PYGM: variants seen among roughly 807,000 people sequenced by gnomAD.
PYGM encodes glycogen phosphorylase, muscle associated.
In PYGM, 81 loss-of-function variants were observed where a neutral mutation model predicts 99.3. That is an observed-to-expected ratio of 0.82 (90% CI 0.68 to 0.98). PYGM has a LOEUF of 0.98. Among genes scored for constraint, PYGM ranks in the 50% least tolerant of loss-of-function variants. PYGM has a pLI of 0.00. For synonymous variants in PYGM, 436 were observed against 451.5 expected (o/e 0.97, Z 0.44); for missense variants, 1,030 against 1,158.1 (o/e 0.89, Z 1.61).
In PYGM at chr11:64,751,668, G is replaced by A. The variant is rs201995805; in HGVS notation, c.1769-13C>T. 22 of 1,613,882 alleles carry A rather than the reference G, an allele frequency of 1.4e-5. No individual in the cohort carries two copies. In the Admixed American group the frequency reaches 1.7e-4, roughly 12 times the overall value. On this transcript the variant is annotated splice_polypyrimidine_tract_variant and intron_variant, in intron 14 of 19. Coordinates refer to ENST00000164139, the MANE Select transcript of PYGM (RefSeq NM_005609.4). ...TCCCTCTTGATGCCTGTGGAGAAAC[G>A]AGAGGGATCCAGTGGGCCTACCTTT... is the stretch of plus-strand genomic sequence containing the variant.
rs753355735 is a variant in PYGM, at chr11:64,759,722, G to T, written c.177C>A (p.Thr59=). Reference sequence around the variant, plus strand: ...AGCGCCCCACGAGGTGGTCGCGCACGGTATGGGCCAGAGCAAAGTAGTAGT... The same window carrying T: ...AGCGCCCCACGAGGTGGTCGCGCACTGTATGGGCCAGAGCAAAGTAGTAGT... The part of the protein sequence containing the change: ...PRDYYFALAH[T]VRDHLVGRWI... The change falls in exon 1 of 20, where the codon ACC becomes ACA. Residue 59 remains threonine, a synonymous_variant. Transcript: ENST00000164139. 2.5e-6 allele frequency: 4 copies of T among 1,614,084 alleles called. No individual in the cohort carries two copies. Among genetic ancestry groups the T allele is most frequent in the Admixed American group, 3.3e-5 (2 of 60,014 alleles).
In PYGM at chr11:64,746,495, C is replaced by A; in HGVS notation, c.*164G>T. 9.8e-7 allele frequency: 1 copy of A among 1,017,672 alleles called. No homozygotes were observed. Among genetic ancestry groups the A allele is most frequent in the African/African-American group, 1.6e-5 (1 of 63,060 alleles). 63.0% of individuals were successfully genotyped at this position (1,017,672 alleles called of 1,614,324 possible). A position where few individuals can be genotyped will look rare whatever the true frequency, so the allele number is the denominator to read the frequency against. ...CCCGAGGACGGAAGGGGGCCCGTGT[C>A]CTTAGTCACGCTGGACACTGGGACA... On this transcript the variant is annotated 3_prime_UTR_variant, in exon 20 of 20. Coordinates refer to ENST00000164139, the MANE Select transcript of PYGM (RefSeq NM_005609.4).
At chr11:64,747,113 A>G (rs1263001273) in intron 18 of PYGM, 111 bp downstream of exon 18, 4 of 1,572,868 alleles carry the variant, frequency 2.5e-6, no homozygotes, top group Non-Finnish European at 3.5e-6. Context: ...GCTGCTTCCA[A>G]AGGCGCCTGG....
At chr11:64,752,560 A>G in intron 12 of PYGM, 56 bp from the exon 13 acceptor site, 1 of 1,500,154 alleles carries the variant, frequency 6.7e-7, no homozygotes, top group African/African-American at 1.4e-5. Flanking sequence ...TCCTCCCAAC[A>G]CAGAAGGGGC....
At chr11:64,757,470 G>A (rs1398398662) in intron 5 of PYGM, among the ~76,000 whole-genome samples, 1 of 152,100 alleles carries the variant, frequency 6.6e-6, no homozygotes, top group African/African-American at 2.4e-5. Context: ...AGATGTTCAG[G>A]GCAGACTCAA....
chr11:64,752,302 G>A, intron 13 of PYGM, 101 bp downstream of exon 13: 4 of 1,450,718 alleles, frequency 2.8e-6, no homozygotes, highest in Non-Finnish European at 3.8e-6. Context: ...GGCCTGGGCT[G>A]GCAGGAGAGA....
rs962262783 is a variant in PYGM, at chr11:64,752,866, A to G, written c.1518+207T>C. On this transcript the variant is annotated intron_variant, in intron 12 of 19. Transcript: ENST00000164139. ...CTCTGCTGTGTTCACCTCCACAGCCAGGGCCTCCATTAGCACACAGAGCAC... is the reference window on the plus strand; with the variant it reads ...CTCTGCTGTGTTCACCTCCACAGCCGGGGCCTCCATTAGCACACAGAGCAC... Among the ~76,000 whole-genome samples, 3 of 152,218 alleles carry G rather than the reference A, an allele frequency of 2.0e-5. No individual in the cohort carries two copies. The East Asian group carries it at 5.8e-4, about 29-fold the overall frequency.
Position 64,759,738 on chromosome 11 carries a change from A to T in PYGM, c.161T>A (p.Phe54Tyr), listed in dbSNP as rs375646075. The change falls in exon 1 of 20, where the codon TTT (phenylalanine) becomes TAT (tyrosine). Residue 54 changes from phenylalanine to tyrosine, a missense_variant. Transcript: ENST00000164139. The part of the protein sequence containing the change: ...RNVATPRDYY[F>Y]ALAHTVRDHL... ...GTCGCGCACGGTATGGGCCAGAGCA[A>T]AGTAGTAGTCTCGTGGGGTGGCCAC... 19 of 1,614,060 alleles carry T rather than the reference A, an allele frequency of 1.2e-5. No individual in the cohort carries two copies. Among genetic ancestry groups the T allele is most frequent in the Non-Finnish European group, 1.4e-5 (17 of 1,180,034 alleles).
rs1466248665 is a variant in PYGM at position 64,750,324 on chromosome 11, C to T, written c.2177+52G>A. The T allele has an allele frequency of 3.1e-6, 5 of 1,604,850 alleles. No individual in the cohort carries two copies. The African/African-American group carries it at 5.4e-5, about 17-fold the overall frequency. ...CGTGCCGCTTGCTCCCAGCACCACT[C>T]TCCAGCAGCCACACCTGGGTGTCTT... On this transcript the variant is annotated intron_variant, in intron 17 of 19. Coordinates refer to ENST00000164139, the MANE Select transcript of PYGM (RefSeq NM_005609.4).
intron 17 of PYGM, 109 bp downstream of exon 17, chr11:64,750,267 G>T: frequency 1.6e-6 from 2 of 1,224,672 alleles, no homozygotes; most frequent in Non-Finnish European, 2.4e-6. Flanking sequence ...CCATGACCAA[G>T]ACCTTGCTGG....
intron 11 of PYGM, 33 bp downstream of exon 11, chr11:64,753,486 A>G: frequency 6.4e-7 from 1 of 1,557,118 alleles, no homozygotes. Flanking sequence ...GGTGGGGCCT[A>G]GAGAGGGGCG....
chr11:64,752,155 G>C (rs943699770), intron 13 of PYGM, 84 bp from the exon 14 acceptor site: 1 of 1,591,552 alleles, frequency 6.3e-7, no homozygotes, highest in East Asian at 2.2e-5. Flanking sequence ...AGCCCCAGGA[G>C]GATGGCTACC....
In PYGM at chr11:64,747,259, G is replaced by T. The variant is rs1396946363; in HGVS notation, c.2277C>A (p.Phe759Leu). The change falls in exon 18 of 20, where the codon TTC (phenylalanine) becomes TTA (leucine). Residue 759 changes from phenylalanine (F) to leucine (L), a missense_variant. Physicochemically the swap from Phe to Leu is conservative, Grantham distance 22. Transcript: ENST00000164139. ...GCATGAGCATATTGACAATGTCCTTGAACAGGTCGGGCTGTTTGGGGGAGA... is the reference window on the plus strand; with the variant it reads ...GCATGAGCATATTGACAATGTCCTTTAACAGGTCGGGCTGTTTGGGGGAGA... ...GFFSPKQPDL[F>L]KDIVNMLMHH... is the part of the protein sequence containing the mutation. 6.2e-7 allele frequency: 1 copy of T among 1,614,158 alleles called. No individual in the cohort carries two copies. Among genetic ancestry groups the T allele is most frequent in the Non-Finnish European group, 8.5e-7 (1 of 1,179,972 alleles).
In PYGM at chr11:64,752,041, C is replaced by T; in HGVS notation, c.1651G>A (p.Glu551Lys). 1 of 1,614,116 alleles carries T rather than the reference C, an allele frequency of 6.2e-7. No individual in the cohort carries two copies. Among genetic ancestry groups the T allele is most frequent in the South Asian group, 1.1e-5 (1 of 91,080 alleles). The change falls in exon 14 of 20, where the codon GAG (glutamate) becomes AAG (lysine). Residue 551 changes from glutamate to lysine, a missense_variant. Transcript: ENST00000164139. ...TTGATGTGGACTTTGTATTCCCTCT[C>T]TAGGTAGGCAGCAAACTTCAACTTG... ...ENKLKFAAYL[E>K]REYKVHINPN...
Position 64,757,484 on chromosome 11 carries a change from G to A in PYGM, c.660+295C>T, listed in dbSNP as rs973683427. ...GAGATGTTCAGGGCAGACTCAAGTC[G>A]CCAAGATGGTCCTTTGATAAATCTC... On this transcript the variant is annotated intron_variant, in intron 5 of 19. Coordinates refer to ENST00000164139, the MANE Select transcript of PYGM (RefSeq NM_005609.4). Among the ~76,000 whole-genome samples the A allele has an allele frequency of 3.1e-4, 47 of 152,164 alleles. 1 individual carries two copies. Among genetic ancestry groups the A allele is most frequent in the Non-Finnish European group, 1.3e-4 (9 of 68,024 alleles).
Position 64,756,136 on chromosome 11 carries a change from C to G in PYGM, c.661-578G>C, listed in dbSNP as rs1301444409. Among the ~76,000 whole-genome samples, 5 of 152,262 alleles carry G rather than the reference C, an allele frequency of 3.3e-5. No homozygotes were observed. The East Asian group carries it at 9.6e-4, about 29-fold the overall frequency. ...GCGAGCCCTTTTAAGGGGCATCGCC[C>G]TCCCTCCCCACATTCAGTCACCCTG... On this transcript the variant is annotated intron_variant, in intron 5 of 19. Transcript: ENST00000164139.
rs548943016 is a variant in PYGM at position 64,752,400 on chromosome 11, C to T, written c.1620+3G>A. On this transcript the variant is annotated splice_donor_region_variant and intron_variant, in intron 13 of 19. Coordinates refer to ENST00000164139, the MANE Select transcript of PYGM (RefSeq NM_005609.4). Reference sequence around the variant, plus strand: ...AGCTGTCCCACATTGCATCTCTCCCCACCTGCTTCACTTTGGCCACATCCC... The same window carrying T: ...AGCTGTCCCACATTGCATCTCTCCCTACCTGCTTCACTTTGGCCACATCCC... The T allele has an allele frequency of 1.9e-6, 3 of 1,613,418 alleles. No homozygotes were observed. The highest frequency in any genetic ancestry group is 8.5e-7 in the Non-Finnish European group (1 of 1,179,284).
chr11:64,753,843 T>G, intron 10 of PYGM, 36 bp downstream of exon 10: 31 of 1,126,448 alleles, frequency 2.8e-5, no homozygotes, highest in Non-Finnish European at 3.4e-5. Flanking sequence ...GTGTCCCCCC[T>G]CACCCCCACA....
In PYGM at chr11:64,753,942, G is replaced by A. The variant is rs374770169; in HGVS notation, c.1176C>T (p.Leu392=). 3.7e-5 allele frequency: 60 copies of A among 1,601,112 alleles called. No individual in the cohort carries two copies. Among genetic ancestry groups the A allele is most frequent in the Non-Finnish European group, 4.9e-5 (57 of 1,173,734 alleles). Residue 392 remains leucine (L), a synonymous_variant, in exon 10 of 20, where the codon CTC becomes CTT. Transcript: ENST00000164139. ...PEALERWPVH[L]LETLLPRHLQ... ...GGTGCCGCGGCAGCAGCGTCTCCAA[G>A]AGGTGCACCGGCCAGCGCTCCAGGG...
Sources: gnomAD v4.1 joint callset for allele counts (sites outside exome capture counted in the v4.1 genomes callset) on GRCh38, gnomAD v4.1.1 for gene constraint, MANE v1.5 for transcripts, NCBI Gene and HGNC (gene_info 2026-07-23, HGNC 2026-07-21) for gene names.